The following MDM1 variants were observed in gnomAD, a reference collection of about 807,000 sequenced individuals.
The protein encoded by MDM1 is stabilizer of axonemal microtubules 6, also known as Mdm1 nuclear protein.
In MDM1, 61 loss-of-function variants were observed where a neutral mutation model predicts 89.1. That is an observed-to-expected ratio of 0.68 (90% CI 0.56 to 0.85). The LOEUF is 0.85. Among genes scored for constraint, MDM1 ranks in the 40% least tolerant of loss-of-function variants. MDM1 has a pLI of 0.00. For missense variants in MDM1, 820 were observed against 846.5 expected, an observed-to-expected ratio of 0.97 and a Z score of 0.39; for synonymous variants, 290 against 294.1, an observed-to-expected ratio of 0.99 and a Z score of 0.14.
chr12:68,309,802 C>CA (rs1223303619), intron 12 of MDM1, among the ~76,000 whole-genome samples: 6 of 152,282 alleles, frequency 3.9e-5, no homozygotes, highest in South Asian at 4.1e-4. Flanking sequence ...TGGTGTATAT[C>CA]AAAGTTTAGT....
chr12:68,313,705 G>C lies in MDM1; in HGVS notation c.1578C>G (p.Pro526=). ...GGATTCCACCAAGTTCTCTCAGCTT[G>C]GGAGTAGGAAGCCGGCCTCCTTTTT... ...SSEKGGRLPT[P]KLRELGGIQR... The change falls in exon 11 of 15, where the codon CCC becomes CCG. Residue 526 remains proline (P), a synonymous_variant. Transcript: ENST00000682720. 6.2e-7 allele frequency: 1 copy of C among 1,614,184 alleles called. No individual in the cohort carries two copies. The highest frequency in any genetic ancestry group is 8.5e-7 in the Non-Finnish European group (1 of 1,180,028).
intron 12 of MDM1, among the ~76,000 whole-genome samples, chr12:68,306,503 C>A (rs1408527719): frequency 6.6e-6 from 1 of 152,020 alleles, no homozygotes; most frequent in Non-Finnish European, 1.5e-5. Context: ...ACATATCTGA[C>A]AACGGACTAA....
chr12:68,325,849 C>A, intron 3 of MDM1: 2 of 1,054,340 alleles, frequency 1.9e-6, no homozygotes, highest in Admixed American at 5.5e-5. Flanking sequence ...CAGTCCTTTC[C>A]TACTAATCAT....
Position 68,315,106 on chromosome 12 carries a change from C to T in MDM1, c.1371G>A (p.Glu457=). 1 of 1,614,114 alleles carries T rather than the reference C, an allele frequency of 6.2e-7. No individual in the cohort carries two copies. The highest frequency in any genetic ancestry group is 8.5e-7 in the Non-Finnish European group (1 of 1,180,030). ...GTTTCTGTACGTCTTCACTTGTGTT[C>T]TCTGTATCCCAAGCCAGCCGCCTTC... ...PVRRRLAWDT[E]NTSEDVQKQP... Residue 457 remains glutamate, a synonymous_variant, in exon 10 of 15, where the codon GAG becomes GAA. Coordinates refer to ENST00000682720, the MANE Select transcript of MDM1 (RefSeq NM_001354969.2).
At chr12:68,324,967 T>G in intron 4 of MDM1, 1 of 960,848 alleles carries the variant, frequency 1.0e-6, no homozygotes, top group Non-Finnish European at 1.2e-6. Flanking sequence ...TGCCTATTAC[T>G]ATTTGTCTGA....
intron 12 of MDM1, among the ~76,000 whole-genome samples, chr12:68,308,763 G>T (rs1005277764): frequency 3.9e-5 from 6 of 152,304 alleles, no homozygotes; most frequent in African/African-American, 1.4e-4. Context: ...TGAATTGAAT[G>T]AATGAAAATA....
At position 68,302,863 on chromosome 12, in the gene MDM1, G is replaced by T; in HGVS notation, c.1759C>A (p.Arg587Ser). ...GGAGAAGTCAGTAGGGATACAGCAC[G>T]ACTTTCTTTCTAAATGACAAAAAAA... is the stretch of plus-strand genomic sequence containing the variant. Reference protein sequence around the residue: ...SKNDFTKKESRAVSLLTSPAA... With the variant: ...SKNDFTKKESSAVSLLTSPAA... The change falls in exon 13 of 15, where the codon CGT becomes AGT. Residue 587 changes from arginine (R) to serine (S), a missense_variant. Coordinates refer to ENST00000682720, the MANE Select transcript of MDM1 (RefSeq NM_001354969.2). The T allele has an allele frequency of 2.4e-6, 3 of 1,255,296 alleles. No individual in the cohort carries two copies. Among genetic ancestry groups the T allele is most frequent in the South Asian group, 1.9e-5 (1 of 53,756 alleles). The allele number at this position is 1,255,296 out of a possible 1,614,324, so 77.8% of individuals were successfully genotyped here.
At chr12:68,317,409 C>CA (rs568575138) in intron 7 of MDM1, among the ~76,000 whole-genome samples, 1,702 of 138,658 alleles carry the variant, frequency 0.012, 26 homozygotes, top group African/African-American at 0.042. Context: ...TCTTTCAGGG[C>CA]AAAAAAAAAA....
chr12:68,304,607 A>G (rs1307674947), intron 12 of MDM1, among the ~76,000 whole-genome samples: 1 of 152,074 alleles, frequency 6.6e-6, no homozygotes, highest in African/African-American at 2.4e-5. Flanking sequence ...CTTTTTCTAT[A>G]TATATGAACA....
chr12:68,297,504 G>A (rs963093550), intron 13 of MDM1, among the ~76,000 whole-genome samples: 1 of 152,216 alleles, frequency 6.6e-6, no homozygotes, highest in Non-Finnish European at 1.5e-5. Context: ...TTGTTCCCCT[G>A]ATGGCTCTGG....
chr12:68,296,158 T>C (rs1871344414), intron 14 of MDM1, among the ~76,000 whole-genome samples: 1 of 152,236 alleles, frequency 6.6e-6, no homozygotes. Flanking sequence ...TTATTCATAT[T>C]GAATTCAAGT....
chr12:68,320,246 A>G (rs1321518621), intron 7 of MDM1, among the ~76,000 whole-genome samples: 1 of 152,120 alleles, frequency 6.6e-6, no homozygotes, highest in East Asian at 1.9e-4. Context: ...TTCTTCCATC[A>G]CGGGTGCTTT....
chr12:68,304,937 T>TTA (rs1488128626), intron 12 of MDM1, among the ~76,000 whole-genome samples: 1 of 152,230 alleles, frequency 6.6e-6, no homozygotes, highest in African/African-American at 2.4e-5. Context: ...TTATAATGAA[T>TTA]TATCTTTTTG....
intron 14 of MDM1, among the ~76,000 whole-genome samples, chr12:68,295,765 T>C (rs754044000): frequency 3.3e-5 from 5 of 152,230 alleles, no homozygotes; most frequent in Non-Finnish European, 7.3e-5. Context: ...CAAAATGCCA[T>C]ACCTTAACAT....
rs539072155 is a variant in MDM1, at chr12:68,295,294, C to A, written c.2135G>T (p.Arg712Leu). ...SSLRAFQTLA[R>L]AKKRKENFWG... ...GAAATTCTCCTTCCTTTTCTTAGCT[C>A]GTGCCAGAGTTTGAAAAGCCCGGAG... The change falls in exon 15 of 15, where the codon CGA becomes CTA. Residue 712 changes from arginine (R) to leucine (L), a missense_variant. By Grantham distance (102) the Arg-to-Leu change is moderately radical (BLOSUM62 -2). Transcript: ENST00000682720. 41 of 1,612,840 alleles carry A rather than the reference C, an allele frequency of 2.5e-5. No homozygotes were observed. In the South Asian group the frequency reaches 4.2e-4, roughly 16 times the overall value.
intron 12 of MDM1, among the ~76,000 whole-genome samples, chr12:68,309,165 G>A (rs184649736): frequency 2.0e-5 from 3 of 152,310 alleles, no homozygotes; most frequent in Admixed American, 2.0e-4. Flanking sequence ...ATGTTGCCAT[G>A]TTTTCCAGCC....
chr12:68,331,016 G>C, intron 2 of MDM1, 91 bp downstream of exon 2: 1 of 725,536 alleles, frequency 1.4e-6, no homozygotes, highest in Non-Finnish European at 2.5e-6. Context: ...GGTAAACTTA[G>C]CCCAAGGTTT....
At chr12:68,325,660 GAA>G in intron 3 of MDM1, 85 bp from the exon 4 acceptor site, 1 of 1,392,696 alleles carries the variant, frequency 7.2e-7, no homozygotes, top group Non-Finnish European at 9.4e-7. Flanking sequence ...TGCATAACAT[GAA>G]ATCTATCCTC....
At chr12:68,327,313 G>A (rs1251173293) in intron 2 of MDM1, 38 of 1,454,232 alleles carry the variant, frequency 2.6e-5, no homozygotes, top group East Asian at 1.7e-4. Context: ...GAATTGCAAC[G>A]TGATAGACCT....
Sources: gnomAD v4.1 joint callset for allele counts (sites outside exome capture counted in the v4.1 genomes callset) on GRCh38, gnomAD v4.1.1 for gene constraint, MANE v1.5 for transcripts, NCBI Gene and HGNC (gene_info 2026-07-23, HGNC 2026-07-21) for gene names.